The following OR2L3 variants were observed in gnomAD, a reference collection of about 807,000 sequenced individuals.
OR2L3 encodes olfactory receptor family 2 subfamily L member 3.
For synonymous variants in OR2L3, 131 were observed against 139.1 expected, an observed-to-expected ratio of 0.94 and a Z score of 0.41; for missense variants, 369 against 376.6, an observed-to-expected ratio of 0.98 and a Z score of 0.17.
Position 248,048,008 on chromosome 1 carries a change from G to A in OR2L3, c.-22+1128G>A, listed in dbSNP as rs186118674. On this transcript the variant is annotated intron_variant, in intron 1 of 1. Coordinates refer to ENST00000359959, the MANE Select transcript of OR2L3 (RefSeq NM_001004687.2). ...TTAGTAATTGTAAGAGGTAGAATTC[G>A]ATTTATTTTAAATGGAGTCTCTGTC... Among the ~76,000 whole-genome samples the A allele has an allele frequency of 4.3e-3, 658 of 152,270 alleles. 3 individuals are homozygous for A. The highest frequency in any genetic ancestry group is 7.4e-3 in the Non-Finnish European group (501 of 68,028).
chr1:248,059,831 C>T (rs1248258973), intron 1 of OR2L3, among the ~76,000 whole-genome samples: 1 of 152,026 alleles, frequency 6.6e-6, no homozygotes. Flanking sequence ...ATTGGTGAGG[C>T]CAAGAGTTCA....
chr1:248,051,727 T>TA (rs773853835), intron 1 of OR2L3, among the ~76,000 whole-genome samples: 16 of 151,592 alleles, frequency 1.1e-4, no homozygotes, highest in South Asian at 6.2e-4. Flanking sequence ...ACTCCCTGAA[T>TA]AAAAAAAAAT....
intron 1 of OR2L3, among the ~76,000 whole-genome samples, chr1:248,051,881 T>G (rs1663275777): frequency 6.6e-6 from 1 of 152,278 alleles, no homozygotes; most frequent in South Asian, 2.1e-4. Flanking sequence ...TGGTTCCAGG[T>G]TTACAATAAT....
intron 1 of OR2L3, among the ~76,000 whole-genome samples, chr1:248,047,551 T>C (rs772757047): frequency 1.3e-5 from 2 of 152,172 alleles, no homozygotes; most frequent in Non-Finnish European, 2.9e-5. Context: ...GCTATAGGTA[T>C]CCAGATTTTG....
In OR2L3 at chr1:248,053,249, C is replaced by T. The variant is rs1442242938; in HGVS notation, c.-22+6369C>T. Among the ~76,000 whole-genome samples the T allele has an allele frequency of 2.0e-5, 3 of 152,168 alleles. No homozygotes were observed. The East Asian group carries it at 5.8e-4, about 29-fold the overall frequency. On this transcript the variant is annotated intron_variant, in intron 1 of 1. Transcript: ENST00000359959. ...ATTAGTTTGCTGAGGATAATGGCTT[C>T]CAGCTTCATCCATGTCCTTGCAAAG... is the stretch of plus-strand genomic sequence containing the variant.
intron 1 of OR2L3, chr1:248,055,886 A>G (rs1024687065): frequency 1.3e-5 from 2 of 150,758 alleles, no homozygotes; most frequent in African/African-American, 4.9e-5. Flanking sequence ...TTCAGCTGTA[A>G]TCCATCTGAA....
At chr1:248,053,696 C>A (rs1663346682) in intron 1 of OR2L3, among the ~76,000 whole-genome samples, 2 of 152,170 alleles carry the variant, frequency 1.3e-5, no homozygotes, top group Non-Finnish European at 2.9e-5. Context: ...ATTTGCATTT[C>A]TCCAATGATC....
intron 1 of OR2L3, among the ~76,000 whole-genome samples, chr1:248,047,740 A>C (rs566462513): frequency 6.6e-6 from 1 of 152,214 alleles, no homozygotes; most frequent in Non-Finnish European, 1.5e-5. Context: ...AACAATGTGA[A>C]GGCTATATTA....
At position 248,062,796 on chromosome 1, in the gene OR2L3, C is replaced by T. The variant is rs185899957; in HGVS notation, c.*1176C>T. The T allele has an allele frequency of 2.0e-5, 3 of 152,190 alleles. No individual in the cohort carries two copies. Among genetic ancestry groups the T allele is most frequent in the African/African-American group, 7.2e-5 (3 of 41,514 alleles). 9.4% of individuals were successfully genotyped at this position (152,190 alleles called of 1,614,324 possible). On this transcript the variant is annotated 3_prime_UTR_variant, in exon 2 of 2. Coordinates refer to ENST00000359959, the MANE Select transcript of OR2L3 (RefSeq NM_001004687.2). ...GAGGTGATGGTTACCCCGATTAACCCGATTTGATCATTATGCATTGTATGC... is the reference window on the plus strand; with the variant it reads ...GAGGTGATGGTTACCCCGATTAACCTGATTTGATCATTATGCATTGTATGC...
intron 1 of OR2L3, among the ~76,000 whole-genome samples, chr1:248,056,775 G>A (rs2103119782): frequency 6.6e-6 from 1 of 150,384 alleles, no homozygotes; most frequent in South Asian, 2.1e-4. Context: ...GGCCTCTTGA[G>A]TAGCTGGGAC....
chr1:248,051,669 C>G (rs1663267457), intron 1 of OR2L3, among the ~76,000 whole-genome samples: 1 of 151,876 alleles, frequency 6.6e-6, no homozygotes. Flanking sequence ...CAACAGAAGC[C>G]CAAACCTCAG....
chr1:248,061,979 A>G lies in OR2L3; in HGVS notation c.*359A>G, dbSNP rs1663661029. ...TCAGTTTATTTTCCAGTAATTTTAA[A>G]TTTACTTTTTTGTTTATGTCTAAAA... On this transcript the variant is annotated 3_prime_UTR_variant, in exon 2 of 2. Transcript: ENST00000359959. 5.8e-6 allele frequency: 1 copy of G among 171,384 alleles called. No individual in the cohort carries two copies. The highest frequency in any genetic ancestry group is 1.6e-4 in the South Asian group (1 of 6,108). The allele number at this position is 171,384 out of a possible 1,614,324, so 10.6% of individuals were successfully genotyped here. A position where few individuals can be genotyped will look rare whatever the true frequency, so the allele number is the denominator to read the frequency against.
intron 1 of OR2L3, among the ~76,000 whole-genome samples, chr1:248,053,143 C>G (rs1470380034): frequency 6.6e-6 from 1 of 152,118 alleles, no homozygotes; most frequent in African/African-American, 2.4e-5. Flanking sequence ...AAGTGTTGTT[C>G]TCTTCCTGTG....
intron 1 of OR2L3, chr1:248,055,789 T>C (rs1663414915): frequency 6.6e-6 from 1 of 152,122 alleles, no homozygotes; most frequent in African/African-American, 2.4e-5. Context: ...AGGAAAAAAA[T>C]GATTTAGGGT....
At chr1:248,052,148 T>C (rs1317054484) in intron 1 of OR2L3, among the ~76,000 whole-genome samples, 1 of 152,222 alleles carries the variant, frequency 6.6e-6, no homozygotes, top group African/African-American at 2.4e-5. Context: ...AACAATTCTT[T>C]ATAGTTTTAT....
chr1:248,053,542 G>A (rs1469545054), intron 1 of OR2L3, among the ~76,000 whole-genome samples: 9 of 152,136 alleles, frequency 5.9e-5, no homozygotes, highest in African/African-American at 2.2e-4. Context: ...TGTCTTCCAC[G>A]ATGGGTGAAC....
intron 1 of OR2L3, among the ~76,000 whole-genome samples, chr1:248,047,755 A>G (rs932467569): frequency 1.4e-4 from 21 of 152,212 alleles, no homozygotes; most frequent in African/African-American, 5.1e-4. Flanking sequence ...ATATTACTCT[A>G]CAGTCATAGC....
rs1486269221 is a variant in OR2L3 at position 248,061,634 on chromosome 1, C to T, written c.*14C>T. ...GGGAAAATGTAGAAACATTTTCTAC[C>T]TAAGGTCTCAGGACTCAGATACACA... is the stretch of plus-strand genomic sequence containing the variant. On this transcript the variant is annotated 3_prime_UTR_variant, in exon 2 of 2. Coordinates refer to ENST00000359959, the MANE Select transcript of OR2L3 (RefSeq NM_001004687.2). 6.9e-6 allele frequency: 11 copies of T among 1,601,666 alleles called. No homozygotes were observed. In the East Asian group the frequency reaches 2.5e-4, roughly 36 times the overall value.
At chr1:248,049,055 G>A (rs1232072717) in intron 1 of OR2L3, among the ~76,000 whole-genome samples, 8 of 151,872 alleles carry the variant, frequency 5.3e-5, no homozygotes, top group Admixed American at 3.9e-4. Context: ...TCAAAGGTGA[G>A]GAAAATATAG....
Sources: allele counts gnomAD v4.1 joint callset (sites outside exome capture counted in the v4.1 genomes callset), GRCh38; gene constraint gnomAD v4.1.1; transcripts MANE v1.5; gene names NCBI Gene and HGNC (gene_info 2026-07-23, HGNC 2026-07-21).